RBM44: variants seen among roughly 807,000 people sequenced by gnomAD.
RBM44 encodes RNA binding motif protein 44.
In RBM44, 66 loss-of-function variants were observed where a neutral mutation model predicts 105.1. The observed-to-expected ratio is 0.63, with a 90% CI of 0.52 to 0.77. The LOEUF (loss-of-function observed/expected upper bound fraction) is 0.77. RBM44 is among the 30% of genes least tolerant of loss of function. The pLI, the probability that RBM44 is intolerant of heterozygous loss-of-function variation, is 0.00. For missense variants in RBM44, 1,122 were observed against 1,207.8 expected (o/e 0.93, Z 1.05); for synonymous variants, 365 against 417.6 (o/e 0.87, Z 1.54).
chr2:237,817,551 T>C lies in RBM44; in HGVS notation c.632T>C (p.Ile211Thr), dbSNP rs1351751103. Residue 211 changes from isoleucine to threonine, a missense_variant, in exon 3 of 16, where the codon ATA becomes ACA. Around this residue, in one of 3 missense-constraint regions of RBM44, gnomAD observed 918 missense variants for 955.3 expected, o/e 0.96. Transcript: ENST00000316997. ...LSFDQTKALDISNPEVVELGN... is the reference protein window; with the variant it reads ...LSFDQTKALDTSNPEVVELGN... ...TTTGACCAAACAAAAGCATTAGATA[T>C]ATCTAATCCAGAAGTTGTTGAATTA... The C allele has an allele frequency of 1.2e-6, 2 of 1,612,040 alleles. No homozygotes were observed. Among genetic ancestry groups the C allele is most frequent in the African/African-American group, 2.7e-5 (2 of 74,984 alleles).
At chr2:237,832,686 T>A (rs1359641886) in intron 13 of RBM44, among the ~76,000 whole-genome samples, 2 of 152,222 alleles carry the variant, frequency 1.3e-5, no homozygotes, top group Non-Finnish European at 2.9e-5. Flanking sequence ...TTTCTGGCAA[T>A]TTCTTGTTCC....
chr2:237,828,128 G>C (rs2150985927), intron 12 of RBM44, among the ~76,000 whole-genome samples: 1 of 152,262 alleles, frequency 6.6e-6, no homozygotes, highest in East Asian at 1.9e-4. Flanking sequence ...GTCAGTCTGA[G>C]TATGTATGTT....
chr2:237,833,878 T>G (rs1359861548), intron 13 of RBM44, 119 bp from the exon 14 acceptor site: 12 of 537,270 alleles, frequency 2.2e-5, no homozygotes, highest in Admixed American at 1.6e-4. Context: ...AAAGTAAATT[T>G]TTAAGGAATT....
Position 237,834,288 on chromosome 2 carries a change from A to G in RBM44, c.3043A>G (p.Ile1015Val). Residue 1015 changes from isoleucine to valine, a missense_variant, in exon 15 of 16, where the codon ATA becomes GTA. By Grantham distance (29) the Ile-to-Val change is conservative. Transcript: ENST00000316997. ...TTTCCTTTTTCATAGAGACCATATT[A>G]TAAATGCACTTCAGGAAGTGAGAAT... Reference protein sequence around the residue: ...LHPEVSRDHIINALQEVRIRH... With the variant: ...LHPEVSRDHIVNALQEVRIRH... The G allele has an allele frequency of 6.3e-7, 1 of 1,579,166 alleles. No homozygotes were observed. Among genetic ancestry groups the G allele is most frequent in the Non-Finnish European group, 8.6e-7 (1 of 1,163,056 alleles).
intron 2 of RBM44, among the ~76,000 whole-genome samples, chr2:237,815,203 T>C (rs1472610733): frequency 6.6e-6 from 1 of 152,158 alleles, no homozygotes; most frequent in Non-Finnish European, 1.5e-5. Context: ...TCAGTTATAT[T>C]ACAAATGTTA....
intron 1 of RBM44, among the ~76,000 whole-genome samples, chr2:237,801,178 C>T (rs1193727947): frequency 6.6e-6 from 1 of 152,054 alleles, no homozygotes; most frequent in African/African-American, 2.4e-5. Context: ...AAAAGTTATC[C>T]AGGCATGGTG....
At chr2:237,820,506 G>A in intron 5 of RBM44, 155 bp downstream of exon 5, 1 of 480,486 alleles carries the variant, frequency 2.1e-6, no homozygotes, top group Non-Finnish European at 3.7e-6. Flanking sequence ...TAGAACCCTT[G>A]AGTTTCATGG....
chr2:237,823,223 C>G (rs1470860292), intron 8 of RBM44, among the ~76,000 whole-genome samples: 1 of 151,904 alleles, frequency 6.6e-6, no homozygotes, highest in Non-Finnish European at 1.5e-5. Context: ...TATACACAGA[C>G]TGGATTCAAA....
chr2:237,821,002 A>C, intron 5 of RBM44, 69 bp from the exon 6 acceptor site: 2 of 1,122,328 alleles, frequency 1.8e-6, no homozygotes, highest in African/African-American at 1.6e-5. Context: ...AGTGTATAAT[A>C]TAATATTAGT....
At chr2:237,832,754 G>C (rs2061916077) in intron 13 of RBM44, among the ~76,000 whole-genome samples, 1 of 152,048 alleles carries the variant, frequency 6.6e-6, no homozygotes, top group Non-Finnish European at 1.5e-5. Flanking sequence ...AGAAAATATT[G>C]ATTGTCTACA....
At chr2:237,820,088 A>C in intron 4 of RBM44, 87 bp from the exon 5 acceptor site, 1 of 681,270 alleles carries the variant, frequency 1.5e-6, no homozygotes, top group Non-Finnish European at 2.3e-6. Context: ...GGGAAATATA[A>C]AAAATTTAAA....
At chr2:237,839,837 A>C (rs1481512210) in intron 15 of RBM44, among the ~76,000 whole-genome samples, 1 of 152,196 alleles carries the variant, frequency 6.6e-6, no homozygotes, top group African/African-American at 2.4e-5. Context: ...CTATCAAAAG[A>C]GTGAAAAGGC....
chr2:237,829,550 G>C (rs2061883492), intron 13 of RBM44, 48 bp downstream of exon 13: 2 of 1,461,094 alleles, frequency 1.4e-6, no homozygotes, highest in South Asian at 2.6e-5. Flanking sequence ...ACGTCATATT[G>C]CTGTAAGTAG....
chr2:237,837,406 C>G (rs1042252250), intron 15 of RBM44, among the ~76,000 whole-genome samples: 1 of 151,948 alleles, frequency 6.6e-6, no homozygotes, highest in African/African-American at 2.4e-5. Context: ...ATTCTAGATG[C>G]CATTAAGAAT....
At chr2:237,834,886 AAG>A (rs367765695) in intron 15 of RBM44, 26 of 151,554 alleles carry the variant, frequency 1.7e-4, no homozygotes, top group Middle Eastern at 3.4e-3. Context: ...TCCCCTAAGC[AAG>A]AGAGAGAGAG....
At chr2:237,805,652 ATG>A (rs2061592213) in intron 1 of RBM44, among the ~76,000 whole-genome samples, 1 of 152,192 alleles carries the variant, frequency 6.6e-6, no homozygotes, top group African/African-American at 2.4e-5. Flanking sequence ...TTAACTGAAA[ATG>A]AATCAAAGAC....
chr2:237,819,714 A>G (rs1348387244), intron 4 of RBM44, among the ~76,000 whole-genome samples: 1 of 152,040 alleles, frequency 6.6e-6, no homozygotes, highest in Non-Finnish European at 1.5e-5. Context: ...ATCCTTAACT[A>G]TTAAGAAATA....
intron 1 of RBM44, chr2:237,799,403 A>C (rs368487502): frequency 1.8e-4 from 27 of 152,336 alleles, no homozygotes; most frequent in Admixed American, 1.8e-3. Flanking sequence ...TCTGAAGTTG[A>C]GCGTGAACTC....
chr2:237,808,676 G>A (rs2061624163), intron 1 of RBM44, among the ~76,000 whole-genome samples: 1 of 152,120 alleles, frequency 6.6e-6, no homozygotes, highest in Admixed American at 6.5e-5. Flanking sequence ...AGATGTGACA[G>A]ATACAGTGAA....
Sources: allele counts gnomAD v4.1 joint callset (sites outside exome capture counted in the v4.1 genomes callset), GRCh38; gene constraint gnomAD v4.1.1; regional missense constraint gnomAD v4.1.1; transcripts MANE v1.5; gene names NCBI Gene and HGNC (gene_info 2026-07-23, HGNC 2026-07-21).